Variants in VDAC1 observed in about 807,000 individuals in gnomAD.
The protein encoded by VDAC1 is non-selective voltage-gated ion channel VDAC1.
Under a neutral mutation model 34.7 loss-of-function variants are expected in VDAC1, and 10 were observed. The observed-to-expected ratio is 0.29, with a 90% CI of 0.18 to 0.49. The LOEUF (loss-of-function observed/expected upper bound fraction) is 0.49. Among genes scored for constraint, VDAC1 ranks in the 20% least tolerant of loss-of-function variants. The pLI is 0.99. For synonymous variants in VDAC1, 130 were observed against 136.0 expected (o/e 0.96, Z 0.30); for missense variants, 230 against 347.9 (o/e 0.66, Z 2.69).
rs375405873 is a variant in VDAC1 at position 133,979,578 on chromosome 5, C to G, written c.551+1151G>C. 3.1e-3 allele frequency among the ~76,000 whole-genome samples: 475 copies of G among 151,734 alleles called. 4 individuals carry two copies. Among genetic ancestry groups the G allele is most frequent in the African/African-American group, 9.8e-3 (405 of 41,406 alleles). On this transcript the variant is annotated intron_variant, in intron 6 of 8. Transcript: ENST00000265333. Reference sequence around the variant, plus strand: ...CCAAGTAGCTGGGATTACAGGCACCCGCCACCACGCCCAGCTAATTTTTGT... The same window carrying G: ...CCAAGTAGCTGGGATTACAGGCACCGGCCACCACGCCCAGCTAATTTTTGT...
At chr5:134,055,599 T>TGTTTTTTTG in the VDAC1 span, among the ~76,000 whole-genome samples, 24 of 134,886 alleles carry the variant, frequency 1.8e-4, no homozygotes, top group African/African-American at 6.7e-4. Context: ...TTTTTTTTTT[T>TGTTTTTTTG]TTTTTTTTTT....
the VDAC1 span, among the ~76,000 whole-genome samples, chr5:134,061,638 G>T: frequency 1.3e-5 from 2 of 151,850 alleles, no homozygotes; most frequent in East Asian, 1.9e-4. Context: ...CCCCAAGAAT[G>T]CTGGGATTAT....
At chr5:134,109,770 CAAAAA>C in the VDAC1 span, among the ~76,000 whole-genome samples, 1 of 140,280 alleles carries the variant, frequency 7.1e-6, no homozygotes, top group African/African-American at 2.8e-5. Flanking sequence ...GGCTCCATCT[CAAAAA>C]AAAAAAAAAA....
the VDAC1 span, among the ~76,000 whole-genome samples, chr5:134,094,064 G>T: frequency 2.0e-5 from 3 of 152,250 alleles, no homozygotes; most frequent in Non-Finnish European, 4.4e-5. Flanking sequence ...GACTCCATGA[G>T]GCCAGTGAGC....
At chr5:134,051,527 A>T in the VDAC1 span, among the ~76,000 whole-genome samples, 1 of 152,172 alleles carries the variant, frequency 6.6e-6, no homozygotes, top group Non-Finnish European at 1.5e-5. Context: ...TTGTTGAGTG[A>T]GTCAGCCAGT....
the VDAC1 span, among the ~76,000 whole-genome samples, chr5:134,065,023 G>C: frequency 6.6e-6 from 1 of 152,056 alleles, no homozygotes; most frequent in Non-Finnish European, 1.5e-5. Context: ...CCCGGCCTTA[G>C]TTTCCTTTTT....
At chr5:134,021,507 G>A in the VDAC1 span, among the ~76,000 whole-genome samples, 1 of 150,670 alleles carries the variant, frequency 6.6e-6, no homozygotes, top group African/African-American at 2.4e-5. Context: ...TCCTTGCAAA[G>A]GACATGAACT....
intron 2 of VDAC1, 138 bp from the exon 3 acceptor site, chr5:133,992,493 G>C (rs1304133365): frequency 5.6e-6 from 3 of 539,546 alleles, no homozygotes; most frequent in East Asian, 6.6e-5. Flanking sequence ...CCCAGTCTCT[G>C]CTGCTGCTCG....
the VDAC1 span, among the ~76,000 whole-genome samples, chr5:134,081,039 C>CT: frequency 0.18 from 25,459 of 140,726 alleles, 3,061 homozygotes; most frequent in African/African-American, 0.33. Context: ...CTATGCCTAA[C>CT]TTTTTTTTTT....
chr5:134,043,497 C>T, the VDAC1 span, among the ~76,000 whole-genome samples: 3 of 152,120 alleles, frequency 2.0e-5, no homozygotes, highest in Admixed American at 2.0e-4. Flanking sequence ...TCTGGTTATT[C>T]TGCCCTAGGA....
At chr5:134,001,161 A>G (rs1474318415) in intron 1 of VDAC1, among the ~76,000 whole-genome samples, 1 of 152,212 alleles carries the variant, frequency 6.6e-6, no homozygotes, top group East Asian at 1.9e-4. Flanking sequence ...GCACCTTGCA[A>G]GGGTCCCTTG....
At chr5:134,061,574 T>C in the VDAC1 span, among the ~76,000 whole-genome samples, 1 of 151,576 alleles carries the variant, frequency 6.6e-6, no homozygotes, top group African/African-American at 2.4e-5. Flanking sequence ...GGTCTCCCTA[T>C]GTTGCACAGG....
the VDAC1 span, among the ~76,000 whole-genome samples, chr5:134,104,229 C>CAT: frequency 0.059 from 9,008 of 152,282 alleles, 322 homozygotes; most frequent in Non-Finnish European, 0.09. Flanking sequence ...GAAAGCCCTT[C>CAT]CCCTCATCCC....
intron 6 of VDAC1, among the ~76,000 whole-genome samples, chr5:133,979,423 G>GATTT (rs1561583199): frequency 1.7e-5 from 1 of 59,290 alleles, no homozygotes; most frequent in Non-Finnish European, 3.7e-5. Context: ...TATTTTCTTT[G>GATTT]CTTTTTTTTT....
chr5:134,039,273 C>T, the VDAC1 span, among the ~76,000 whole-genome samples: 1 of 152,176 alleles, frequency 6.6e-6, no homozygotes, highest in Non-Finnish European at 1.5e-5. Context: ...TAGGCCCCAA[C>T]GAAACAGATG....
chr5:134,108,286 G>A, the VDAC1 span, among the ~76,000 whole-genome samples: 9 of 152,206 alleles, frequency 5.9e-5, no homozygotes, highest in Non-Finnish European at 1.3e-4. Flanking sequence ...TTATGCAACA[G>A]CCCCATCCCC....
At chr5:134,047,490 G>A in the VDAC1 span, among the ~76,000 whole-genome samples, 1 of 152,206 alleles carries the variant, frequency 6.6e-6, no homozygotes, top group Non-Finnish European at 1.5e-5. Flanking sequence ...GAGGACAAAT[G>A]CTCTTGTGTC....
upstream of VDAC1, among the ~76,000 whole-genome samples, chr5:134,008,570 A>G (rs1428436530): frequency 6.6e-6 from 1 of 152,234 alleles, no homozygotes; most frequent in African/African-American, 2.4e-5. Context: ...CAAAGTGGAA[A>G]GCAGCCAATT....
the VDAC1 span, among the ~76,000 whole-genome samples, chr5:134,074,417 A>G: frequency 1.3e-5 from 2 of 152,188 alleles, no homozygotes; most frequent in Admixed American, 6.5e-5. Context: ...ACATGCTAGC[A>G]TGGGGGTGTT....
Sources: allele counts gnomAD v4.1 joint callset (sites outside exome capture counted in the v4.1 genomes callset), GRCh38; gene constraint gnomAD v4.1.1; transcripts MANE v1.5; gene names NCBI Gene and HGNC (gene_info 2026-07-23, HGNC 2026-07-21).